The following MYO9A variants were observed in gnomAD, a reference collection of about 807,000 sequenced individuals.
The protein encoded by MYO9A is myosin IXA.
A neutral mutation model predicts 293.3 loss-of-function variants in MYO9A; 103 were observed. The ratio of observed to expected loss-of-function variants is 0.35; its 90% CI spans 0.30 to 0.41. The LOEUF (loss-of-function observed/expected upper bound fraction) is 0.41, where lower values mean the gene tolerates loss of function less well. Among genes scored for constraint, MYO9A ranks in the 10% least tolerant of loss-of-function variants. MYO9A has a pLI of 1.00. For missense variants in MYO9A, 2,685 were observed against 3,033.0 expected, an observed-to-expected ratio of 0.89 and a Z score of 2.69; for synonymous variants, 1,001 against 1,035.7, an observed-to-expected ratio of 0.97 and a Z score of 0.64.
At chr15:72,041,631 G>T in intron 2 of MYO9A, 1 of 244,822 alleles carries the variant, frequency 4.1e-6, no homozygotes, top group Non-Finnish European at 8.2e-6. Flanking sequence ...ATCTCCAGTA[G>T]TTAAATCAAT....
Position 71,823,139 on chromosome 15 carries a change from A to G in MYO9A, c.*3441T>C, listed in dbSNP as rs986336306. 3 of 152,078 alleles carry G rather than the reference A, an allele frequency of 2.0e-5. No individual in the cohort carries two copies. The highest frequency in any genetic ancestry group is 4.4e-5 in the Non-Finnish European group (3 of 68,020). 9.4% of individuals were successfully genotyped at this position (152,078 alleles called of 1,614,324 possible). On this transcript the variant is annotated 3_prime_UTR_variant, in exon 42 of 42. Coordinates refer to ENST00000356056, the MANE Select transcript of MYO9A (RefSeq NM_006901.4). ...GGATGAGGAAAGCCATGGAGTGAGT[A>G]TGTATGTTTCTTTTTAAAATGAAAA...
chr15:72,077,655 C>A (rs111426202), intron 1 of MYO9A, among the ~76,000 whole-genome samples: 6,285 of 146,606 alleles, frequency 0.043, 243 homozygotes, highest in East Asian at 0.18. Context: ...CGGGGGGCGG[C>A]GCGGGCAGAG....
chr15:71,918,157 T>C (rs1006448748), intron 18 of MYO9A, among the ~76,000 whole-genome samples: 2 of 152,074 alleles, frequency 1.3e-5, no homozygotes, highest in African/African-American at 2.4e-5. Flanking sequence ...CTGCATCAGA[T>C]TGGCCAATAC....
chr15:72,045,703 A>G (rs2078366100), intron 2 of MYO9A, 21 bp downstream of exon 2: 6 of 1,544,356 alleles, frequency 3.9e-6, no homozygotes, highest in Non-Finnish European at 5.2e-6. Flanking sequence ...AAAATCAAAA[A>G]TAAGATTTCT....
At chr15:72,021,715 T>C (rs185932875) in intron 4 of MYO9A, among the ~76,000 whole-genome samples, 92 of 152,230 alleles carry the variant, frequency 6.0e-4, no homozygotes, top group African/African-American at 1.8e-3. Context: ...GGGCAAACAA[T>C]AGGCTAACCA....
At chr15:71,918,517 A>G (rs1188298687) in intron 18 of MYO9A, among the ~76,000 whole-genome samples, 1 of 152,234 alleles carries the variant, frequency 6.6e-6, no homozygotes, top group African/African-American at 2.4e-5. Context: ...CATGTAAAAC[A>G]ACACACATGT....
chr15:71,907,239 C>T (rs1360055007), intron 19 of MYO9A, among the ~76,000 whole-genome samples: 1 of 150,804 alleles, frequency 6.6e-6, no homozygotes, highest in African/African-American at 2.4e-5. Context: ...TGATGATTTC[C>T]AATTTCATCC....
At chr15:71,908,162 T>C (rs907158433) in intron 19 of MYO9A, among the ~76,000 whole-genome samples, 3 of 152,232 alleles carry the variant, frequency 2.0e-5, no homozygotes, top group African/African-American at 4.8e-5. Context: ...TTTCTACATA[T>C]GGCTAGACAG....
chr15:71,875,846 G>T lies in MYO9A; in HGVS notation c.5932-8C>A. The T allele has an allele frequency of 7.4e-7, 1 of 1,357,202 alleles. No individual in the cohort carries two copies. 84.1% of individuals were successfully genotyped at this position (1,357,202 alleles called of 1,614,324 possible). A position where few individuals can be genotyped will look rare whatever the true frequency, so the allele number is the denominator to read the frequency against. On this transcript the variant is annotated splice_polypyrimidine_tract_variant and splice_region_variant and intron_variant, in intron 31 of 41. Coordinates refer to ENST00000356056, the MANE Select transcript of MYO9A (RefSeq NM_006901.4). ...TCTTTCTGTTTTTGGCACCTGACAG[G>T]GGGACAGGAGATATATGGAAATTGT... is the stretch of plus-strand genomic sequence containing the variant.
At chr15:71,998,829 T>A (rs2076782809) in intron 9 of MYO9A, among the ~76,000 whole-genome samples, 1 of 152,042 alleles carries the variant, frequency 6.6e-6, no homozygotes, top group Non-Finnish European at 1.5e-5. Context: ...ACGTGCGGTG[T>A]TCGGTTTTTT....
chr15:72,006,288 C>T lies in MYO9A; in HGVS notation c.1380+1538G>A, dbSNP rs539012105. ...TTGTTGTTGTTGTTTTTAGTAGAGA[C>T]AGGGTCTCCCTATGTTGCCCAGGCT... On this transcript the variant is annotated intron_variant, in intron 8 of 41. Transcript: ENST00000356056. Among the ~76,000 whole-genome samples the T allele has an allele frequency of 5.9e-5, 9 of 152,086 alleles. No individual in the cohort carries two copies. In the South Asian group the frequency reaches 1.7e-3, roughly 28 times the overall value.
At chr15:71,936,905 C>T (rs547426562) in intron 16 of MYO9A, among the ~76,000 whole-genome samples, 2 of 148,524 alleles carry the variant, frequency 1.3e-5, no homozygotes, top group East Asian at 2.0e-4. Flanking sequence ...ATATTTTTCT[C>T]ATTTACAAAA....
chr15:71,954,286 C>G (rs777458204), intron 14 of MYO9A, among the ~76,000 whole-genome samples: 1 of 151,980 alleles, frequency 6.6e-6, no homozygotes, highest in South Asian at 2.1e-4. Context: ...CTGTAACCTC[C>G]GCCTCCCAGG....
intron 23 of MYO9A, among the ~76,000 whole-genome samples, chr15:71,900,783 A>C (rs575324075): frequency 1.3e-5 from 2 of 152,320 alleles, no homozygotes; most frequent in East Asian, 3.9e-4. Context: ...TCAATGAGGG[A>C]GTTAATAAAA....
intron 11 of MYO9A, among the ~76,000 whole-genome samples, chr15:71,979,203 A>G (rs904060278): frequency 2.6e-5 from 4 of 152,200 alleles, no homozygotes; most frequent in African/African-American, 9.6e-5. Context: ...GAACACTAAC[A>G]TAAACTATAG....
intron 1 of MYO9A, among the ~76,000 whole-genome samples, chr15:72,107,332 T>C (rs187514386): frequency 2.6e-5 from 4 of 152,282 alleles, no homozygotes; most frequent in Admixed American, 2.0e-4. Context: ...GCAGATCACC[T>C]GAGGTCAGGA....
intron 11 of MYO9A, among the ~76,000 whole-genome samples, chr15:71,990,698 A>G (rs2076521394): frequency 6.6e-6 from 1 of 150,466 alleles, no homozygotes; most frequent in Non-Finnish European, 1.5e-5. Flanking sequence ...CGGAGCTTGC[A>G]GTGAGCCGAG....
rs199570351 is a variant in MYO9A, at chr15:71,994,473, G to A, written c.1583C>T (p.Thr528Ile). ...TATAATCCAATATATCATTACCTTG[G>A]TATTATGCTCTAAATCTTTACTATT... ...LLNSKDLEHN[T>I]KTLSIGVLDI... is the part of the protein sequence containing the mutation. Residue 528 changes from threonine (T) to isoleucine (I), a missense_variant, in exon 10 of 42, where the codon ACC becomes ATC. Around this residue, in one of 10 missense-constraint regions of MYO9A, gnomAD observed 201 missense variants for 245.2 expected, o/e 0.82. Transcript: ENST00000356056. 1.8e-5 allele frequency: 28 copies of A among 1,552,692 alleles called. No individual in the cohort carries two copies. In the Admixed American group the frequency reaches 5.0e-4, roughly 27 times the overall value.
intron 28 of MYO9A, among the ~76,000 whole-genome samples, chr15:71,882,018 CAG>C (rs980986198): frequency 8.5e-5 from 13 of 152,180 alleles, no homozygotes; most frequent in Non-Finnish European, 1.9e-4. Flanking sequence ...GATACAAAAA[CAG>C]GGGTCTAACT....
Sources: allele counts gnomAD v4.1 joint callset (sites outside exome capture counted in the v4.1 genomes callset), GRCh38; gene constraint gnomAD v4.1.1; regional missense constraint gnomAD v4.1.1; transcripts MANE v1.5; gene names NCBI Gene and HGNC (gene_info 2026-07-23, HGNC 2026-07-21).